The following NKAIN2 variants were observed in gnomAD, a reference collection of about 807,000 sequenced individuals.
NKAIN2 encodes sodium/potassium-transporting ATPase subunit beta-1-interacting protein 2.
NKAIN2 carries 14 observed loss-of-function variants against 32.6 expected under a neutral mutation model. The observed-to-expected ratio is 0.43, with a 90% CI of 0.28 to 0.67. The LOEUF (loss-of-function observed/expected upper bound fraction) is 0.67. NKAIN2 is among the 30% of genes least tolerant of loss of function. NKAIN2 has a pLI of 0.17. For synonymous variants in NKAIN2, 80 were observed against 87.2 expected (o/e 0.92, Z 0.46); for missense variants, 198 against 258.3 (o/e 0.77, Z 1.60).
At chr6:124,533,362 C>G (rs1779596332) in intron 3 of NKAIN2, among the ~76,000 whole-genome samples, 1 of 149,170 alleles carries the variant, frequency 6.7e-6, no homozygotes, top group African/African-American at 2.5e-5. Context: ...GTCCCAGCTA[C>G]TGGGGAGGCT....
At chr6:123,859,663 G>C (rs56142628) in intron 1 of NKAIN2, among the ~76,000 whole-genome samples, 1,738 of 152,108 alleles carry the variant, frequency 0.011, 30 homozygotes, top group African/African-American at 0.04. Context: ...GTTAGAACAG[G>C]GATCATCTAG....
intron 1 of NKAIN2, among the ~76,000 whole-genome samples, chr6:123,962,396 T>C (rs1358650421): frequency 6.6e-6 from 1 of 152,204 alleles, no homozygotes; most frequent in Non-Finnish European, 1.5e-5. Context: ...CACGATTCTA[T>C]TTCCTTATCT....
intron 1 of NKAIN2, among the ~76,000 whole-genome samples, chr6:123,825,576 G>A (rs189793644): frequency 1.3e-5 from 2 of 152,100 alleles, no homozygotes; most frequent in East Asian, 3.9e-4. Flanking sequence ...TTTCTCAGAC[G>A]CCATTAAAAG....
chr6:124,491,007 G>C (rs1264171496), intron 3 of NKAIN2, among the ~76,000 whole-genome samples: 4 of 151,834 alleles, frequency 2.6e-5, no homozygotes, highest in Non-Finnish European at 5.9e-5. Flanking sequence ...CCAAGTATCA[G>C]TACATAATTT....
At chr6:123,889,487 A>T (rs1046992710) in intron 1 of NKAIN2, among the ~76,000 whole-genome samples, 13 of 152,274 alleles carry the variant, frequency 8.5e-5, no homozygotes, top group African/African-American at 3.1e-4. Flanking sequence ...GCTACTGGTG[A>T]CATGACAGGC....
intron 3 of NKAIN2, among the ~76,000 whole-genome samples, chr6:124,469,973 G>T (rs1332595099): frequency 6.6e-6 from 1 of 152,104 alleles, no homozygotes; most frequent in African/African-American, 2.4e-5. Flanking sequence ...AGTCCTAATG[G>T]TGCAAGGATT....
chr6:124,617,405 T>G, intron 3 of NKAIN2, among the ~76,000 whole-genome samples: 1 of 152,206 alleles, frequency 6.6e-6, no homozygotes, highest in East Asian at 1.9e-4. Flanking sequence ...ATGGCCTTGC[T>G]CAAATCATTC....
chr6:124,731,342 A>G (rs1352370104), intron 4 of NKAIN2, among the ~76,000 whole-genome samples: 1 of 151,936 alleles, frequency 6.6e-6, no homozygotes, highest in African/African-American at 2.4e-5. Context: ...CTGGATTAAG[A>G]AAATGTGGCA....
chr6:124,500,299 A>G (rs1778234494), intron 3 of NKAIN2, among the ~76,000 whole-genome samples: 1 of 152,152 alleles, frequency 6.6e-6, no homozygotes, highest in Non-Finnish European at 1.5e-5. Flanking sequence ...ACATTGCACT[A>G]AGAACAGCAG....
intron 1 of NKAIN2, among the ~76,000 whole-genome samples, chr6:123,927,757 G>T (rs1582793321): frequency 1.3e-5 from 2 of 152,322 alleles, no homozygotes; most frequent in Non-Finnish European, 2.9e-5. Context: ...TGGCAAACAT[G>T]TGTCTTCAAT....
At chr6:123,878,097 A>G (rs541890395) in intron 1 of NKAIN2, among the ~76,000 whole-genome samples, 4 of 152,078 alleles carry the variant, frequency 2.6e-5, no homozygotes, top group African/African-American at 9.6e-5. Flanking sequence ...TTGGTGGTGC[A>G]TGCCTGTAAT....
Position 124,670,400 on chromosome 6 carries a change from A to G in NKAIN2, c.474+12014A>G, listed in dbSNP as rs1478185426. On this transcript the variant is annotated intron_variant, in intron 4 of 6. Transcript: ENST00000368417. The stretch of plus-strand genomic sequence containing the variant: ...GTTTTTAAAAGATTCATTCAGTGAG[A>G]AAAGTATAGAATAATATTAATAAAA... Among the ~76,000 whole-genome samples the G allele has an allele frequency of 2.6e-5, 4 of 152,220 alleles. No individual in the cohort carries two copies. In the East Asian group the frequency reaches 7.7e-4, roughly 29 times the overall value.
At chr6:124,246,775 G>A (rs1399480911) in intron 1 of NKAIN2, among the ~76,000 whole-genome samples, 5 of 151,998 alleles carry the variant, frequency 3.3e-5, no homozygotes, top group Non-Finnish European at 5.9e-5. Flanking sequence ...TCCCTCACAA[G>A]GTTTTTGTGG....
chr6:124,458,229 G>C (rs1433681239), intron 3 of NKAIN2, among the ~76,000 whole-genome samples: 2 of 151,954 alleles, frequency 1.3e-5, no homozygotes, highest in African/African-American at 4.8e-5. Flanking sequence ...TCAAGGAGCT[G>C]TTCTATAGAT....
intron 1 of NKAIN2, among the ~76,000 whole-genome samples, chr6:123,888,726 G>T (rs1215677063): frequency 6.6e-6 from 1 of 151,914 alleles, no homozygotes; most frequent in Non-Finnish European, 1.5e-5. Flanking sequence ...CCTAGTCAGC[G>T]GCCAAATAAT....
At chr6:124,807,196 G>T (rs532093455) in intron 5 of NKAIN2, among the ~76,000 whole-genome samples, 149 of 152,226 alleles carry the variant, frequency 9.8e-4, no homozygotes, top group Non-Finnish European at 1.8e-3. Context: ...ATTTTTTTCA[G>T]CACTACACCA....
At chr6:124,638,035 C>A (rs562893072) in intron 3 of NKAIN2, among the ~76,000 whole-genome samples, 11 of 152,026 alleles carry the variant, frequency 7.2e-5, no homozygotes, top group Non-Finnish European at 1.5e-4. Context: ...TAACCAAAAC[C>A]AAAACATAGT....
At chr6:124,356,723 A>T (rs192818459) in intron 3 of NKAIN2, among the ~76,000 whole-genome samples, 31 of 152,316 alleles carry the variant, frequency 2.0e-4, no homozygotes, top group Admixed American at 1.6e-3. Context: ...TCAGTGTAAG[A>T]AAAGCAGACA....
chr6:124,274,171 T>C (rs898604600), intron 1 of NKAIN2, among the ~76,000 whole-genome samples: 4 of 152,228 alleles, frequency 2.6e-5, no homozygotes, highest in African/African-American at 9.6e-5. Context: ...ATTATTATTC[T>C]ATTAACTGCA....
Sources: allele counts gnomAD v4.1 joint callset (sites outside exome capture counted in the v4.1 genomes callset), GRCh38; gene constraint gnomAD v4.1.1; transcripts MANE v1.5; gene names NCBI Gene and HGNC (gene_info 2026-07-23, HGNC 2026-07-21).